Variants in USP37 observed in about 807,000 individuals in gnomAD.
USP37 encodes the protein ubiquitin carboxyl-terminal hydrolase 37.
Under a neutral mutation model 124.0 loss-of-function variants are expected in USP37, and 27 were observed. That is an observed-to-expected ratio of 0.22 (90% CI 0.16 to 0.30). The LOEUF is 0.30. Ranked by LOEUF, USP37 falls within the 10% of genes least tolerant of loss-of-function variation. USP37 has a pLI of 1.00. For missense variants in USP37, 889 were observed against 1,140.4 expected (o/e 0.78, Z 3.17); for synonymous variants, 365 against 388.0 (o/e 0.94, Z 0.70).
intron 9 of USP37, among the ~76,000 whole-genome samples, chr2:218,531,056 G>A (rs1431245874): frequency 1.3e-5 from 2 of 152,218 alleles, no homozygotes; most frequent in Non-Finnish European, 2.9e-5. Context: ...GCAAGTTACT[G>A]AGATCTAGCT....
At chr2:218,498,206 G>A in intron 11 of USP37, 49 bp from the exon 12 acceptor site, 1 of 1,522,346 alleles carries the variant, frequency 6.6e-7, no homozygotes, top group African/African-American at 1.4e-5. Flanking sequence ...AATTCCTAAA[G>A]TATGTTCAGT....
At chr2:218,469,747 A>AAAT (rs1559166998) in intron 20 of USP37, among the ~76,000 whole-genome samples, 1 of 151,974 alleles carries the variant, frequency 6.6e-6, no homozygotes, top group South Asian at 2.1e-4. Context: ...CATGGCCATG[A>AAAT]AATAATAATC....
intron 11 of USP37, among the ~76,000 whole-genome samples, chr2:218,500,252 CATTTATTTATTT>C (rs1012776317): frequency 6.6e-6 from 1 of 151,174 alleles, no homozygotes; most frequent in Non-Finnish European, 1.5e-5. Context: ...TGTTTGTATT[CATTTATTTATTT>C]ATTTATTTAT....
rs200394594 is a variant in USP37 at position 218,458,493 on chromosome 2, G to A, written c.2643+1297C>T. ...TGGCTGAGGCACAAGAATCGCTTGA[G>A]CCCAGGAAGTGGAGGAAGTTGCAGT... is the stretch of plus-strand genomic sequence containing the variant. On this transcript the variant is annotated intron_variant, in intron 23 of 25. Coordinates refer to ENST00000258399, the MANE Select transcript of USP37 (RefSeq NM_020935.3). 9.3e-5 allele frequency among the ~76,000 whole-genome samples: 14 copies of A among 150,110 alleles called. No individual in the cohort carries two copies. In the East Asian group the frequency reaches 2.8e-3, roughly 30 times the overall value.
chr2:218,549,956 CT>C, intron 5 of USP37, 47 bp from the exon 6 acceptor site: 1 of 1,380,244 alleles, frequency 7.2e-7, no homozygotes, highest in Non-Finnish European at 9.9e-7. Context: ...AAATCACTCA[CT>C]TTAACAAAAA....
chr2:218,471,189 T>C (rs1690666283), intron 20 of USP37, among the ~76,000 whole-genome samples: 1 of 151,968 alleles, frequency 6.6e-6, no homozygotes, highest in East Asian at 1.9e-4. Context: ...GCTAGTTGAG[T>C]TGGGAGTTGG....
chr2:218,533,129 G>T (rs980102636), intron 9 of USP37, among the ~76,000 whole-genome samples: 1 of 151,924 alleles, frequency 6.6e-6, no homozygotes, highest in East Asian at 1.9e-4. Context: ...CGGTACACAT[G>T]TATGTTAAAA....
At chr2:218,509,553 C>T (rs1406496050) in intron 11 of USP37, among the ~76,000 whole-genome samples, 1 of 151,650 alleles carries the variant, frequency 6.6e-6, no homozygotes, top group African/African-American at 2.4e-5. Flanking sequence ...GTTCTACCAA[C>T]CTGCAACATA....
intron 14 of USP37, among the ~76,000 whole-genome samples, chr2:218,489,623 G>A (rs966231313): frequency 6.8e-4 from 103 of 151,908 alleles, no homozygotes; most frequent in African/African-American, 2.0e-3. Flanking sequence ...GGGATTACAG[G>A]TGCACACCAC....
chr2:218,488,137 C>T (rs1460974059), intron 15 of USP37, among the ~76,000 whole-genome samples, 167 bp downstream of exon 15: 2 of 124,064 alleles, frequency 1.6e-5, no homozygotes, highest in Non-Finnish European at 3.2e-5. Context: ...GATTGTGCAA[C>T]TGCACTATAG....
chr2:218,497,207 A>G (rs752514126), intron 13 of USP37, among the ~76,000 whole-genome samples: 14 of 151,636 alleles, frequency 9.2e-5, no homozygotes, highest in Non-Finnish European at 1.3e-4. Flanking sequence ...AGTAGCTGGG[A>G]TTACAGGCAT....
At chr2:218,534,179 T>C (rs927434886) in intron 9 of USP37, among the ~76,000 whole-genome samples, 8 of 152,196 alleles carry the variant, frequency 5.3e-5, no homozygotes, top group East Asian at 3.8e-4. Context: ...TGGGTACAAA[T>C]TGGCACCCAA....
rs1024063458 is a variant in USP37, at chr2:218,562,678, A to G, written c.-94T>C. 1 of 398,476 alleles carries G rather than the reference A, an allele frequency of 2.5e-6. No homozygotes were observed. Among genetic ancestry groups the G allele is most frequent in the Admixed American group, 4.4e-5 (1 of 22,714 alleles). The allele number at this position is 398,476 out of a possible 1,614,324, so 24.7% of individuals were successfully genotyped here. ...AAAACAAAAACATTACTTACTTTTC[A>G]GTGACTTTTACCGAAAAACCCTATG... On this transcript the variant is annotated 5_prime_UTR_variant, in exon 2 of 26. Coordinates refer to ENST00000258399, the MANE Select transcript of USP37 (RefSeq NM_020935.3).
intron 8 of USP37, among the ~76,000 whole-genome samples, chr2:218,536,017 CAAAAAAAAAAAAAAA>C (rs59248363): frequency 1.2e-5 from 1 of 80,832 alleles, no homozygotes; most frequent in African/African-American, 4.5e-5. Context: ...GACTTCATCT[CAAAAAAAAAAAAAAA>C]AAAAAAAAAA....
chr2:218,484,833 A>G (rs998093296), intron 16 of USP37, among the ~76,000 whole-genome samples: 6 of 152,232 alleles, frequency 3.9e-5, no homozygotes, highest in Admixed American at 1.3e-4. Context: ...TGTTAATAAC[A>G]ACCTTGGTGT....
At chr2:218,547,731 C>T (rs949498096) in intron 6 of USP37, among the ~76,000 whole-genome samples, 4 of 151,958 alleles carry the variant, frequency 2.6e-5, no homozygotes, top group Admixed American at 2.6e-4. Flanking sequence ...ACTTAAATGC[C>T]AACAAAACAG....
chr2:218,490,997 C>G (rs1427969380), intron 14 of USP37, among the ~76,000 whole-genome samples: 1 of 152,188 alleles, frequency 6.6e-6, no homozygotes, highest in African/African-American at 2.4e-5. Flanking sequence ...CCTTAGCCTC[C>G]CAAATAGCTG....
intron 9 of USP37, among the ~76,000 whole-genome samples, chr2:218,531,539 C>T (rs1246848345): frequency 2.6e-5 from 4 of 152,218 alleles, no homozygotes; most frequent in Non-Finnish European, 5.9e-5. Context: ...ATCCATTCTA[C>T]AGCCCATGGA....
At chr2:218,523,220 G>A (rs1320289093) in intron 10 of USP37, among the ~76,000 whole-genome samples, 2 of 151,880 alleles carry the variant, frequency 1.3e-5, no homozygotes, top group East Asian at 1.9e-4. Flanking sequence ...CCAGGATTGT[G>A]CCACTGCACT....
Sources: allele counts gnomAD v4.1 joint callset (sites outside exome capture counted in the v4.1 genomes callset), GRCh38; gene constraint gnomAD v4.1.1; transcripts MANE v1.5; gene names NCBI Gene and HGNC (gene_info 2026-07-23, HGNC 2026-07-21).